TASP1: variants seen among roughly 807,000 people sequenced by gnomAD.
The protein encoded by TASP1 is threonine aspartase 1.
A neutral mutation model predicts 56.6 loss-of-function variants in TASP1; 16 were observed. That is an observed-to-expected ratio of 0.28 (90% CI 0.19 to 0.43). The LOEUF is 0.43. Among genes scored for constraint, TASP1 ranks in the 20% least tolerant of loss-of-function variants. The pLI is 1.00. For missense variants in TASP1, 393 were observed against 511.6 expected (o/e 0.77, Z 2.24); for synonymous variants, 179 against 184.2 (o/e 0.97, Z 0.23).
intron 12 of TASP1, among the ~76,000 whole-genome samples, chr20:13,419,622 C>G (rs142268029): frequency 4.6e-5 from 7 of 152,182 alleles, no homozygotes; most frequent in African/African-American, 1.7e-4. Flanking sequence ...GTCCCCCAGG[C>G]CATCCATCTG....
intron 8 of TASP1, among the ~76,000 whole-genome samples, chr20:13,550,663 T>C (rs978763289): frequency 1.3e-5 from 2 of 152,126 alleles, no homozygotes; most frequent in African/African-American, 4.8e-5. Flanking sequence ...CTCCAGACCA[T>C]GCAAAGTCAA....
chr20:13,198,839 TTTCTTTC>T, the TASP1 span, among the ~76,000 whole-genome samples: 1 of 137,358 alleles, frequency 7.3e-6, no homozygotes, highest in Non-Finnish European at 1.6e-5. Context: ...TCTTTCTTTC[TTTCTTTC>T]TTTCTTTCTT....
chr20:13,246,127 G>T, the TASP1 span, among the ~76,000 whole-genome samples: 1 of 152,098 alleles, frequency 6.6e-6, no homozygotes, highest in African/African-American at 2.4e-5. Flanking sequence ...AAAAGAATTA[G>T]TCGGGCATGG....
chr20:13,117,523 T>C, the TASP1 span: 5 of 1,598,354 alleles, frequency 3.1e-6, no homozygotes, highest in Middle Eastern at 1.7e-4. Context: ...GGTTCCATCG[T>C]GCATCTGCCC....
At position 13,575,808 on chromosome 20, in the gene TASP1, G is replaced by A. The variant is rs184279103; in HGVS notation, c.488+5089C>T. Among the ~76,000 whole-genome samples the A allele has an allele frequency of 5.3e-5, 8 of 152,118 alleles. No individual in the cohort carries two copies. The East Asian group carries it at 5.8e-4, about 11-fold the overall frequency. ...CTCTCACACTTCTCTACCATATACC[G>A]CATTGGAGGTTCCAGACAATGCAAT... On this transcript the variant is annotated intron_variant, in intron 6 of 13. Coordinates refer to ENST00000337743, the MANE Select transcript of TASP1 (RefSeq NM_017714.3).
At chr20:13,544,090 G>A (rs1356048700) in intron 8 of TASP1, among the ~76,000 whole-genome samples, 4 of 152,088 alleles carry the variant, frequency 2.6e-5, no homozygotes, top group African/African-American at 7.2e-5. Context: ...GAAGTTTTGC[G>A]TGCCCTTTAG....
At chr20:13,207,406 A>G in the TASP1 span, among the ~76,000 whole-genome samples, 149 of 152,344 alleles carry the variant, frequency 9.8e-4, no homozygotes, top group African/African-American at 3.5e-3. Flanking sequence ...AACCAATAAG[A>G]CATAGGTATA....
chr20:13,308,229 C>A, the TASP1 span, among the ~76,000 whole-genome samples: 1 of 152,118 alleles, frequency 6.6e-6, no homozygotes, highest in Non-Finnish European at 1.5e-5. Context: ...ATGAATGGCC[C>A]AGTGGGGGTG....
chr20:13,111,121 G>A, the TASP1 span, among the ~76,000 whole-genome samples: 1 of 152,058 alleles, frequency 6.6e-6, no homozygotes, highest in African/African-American at 2.4e-5. Context: ...AAGAAGCTTG[G>A]TTTCATTTTA....
At chr20:13,393,575 C>A in intron 13 of TASP1, 1 of 903,970 alleles carries the variant, frequency 1.1e-6, no homozygotes, top group Non-Finnish European at 1.8e-6. Flanking sequence ...GCAATGCCCT[C>A]AACAACCACC....
chr20:13,434,083 T>C (rs900827782), intron 12 of TASP1, among the ~76,000 whole-genome samples: 16 of 152,024 alleles, frequency 1.1e-4, no homozygotes, highest in Admixed American at 5.9e-4. Context: ...CTGTTTAACT[T>C]TGGAGGGGAT....
At chr20:13,127,014 G>A in the TASP1 span, among the ~76,000 whole-genome samples, 7 of 152,232 alleles carry the variant, frequency 4.6e-5, no homozygotes, top group African/African-American at 9.6e-5. Context: ...GCACGTGAGC[G>A]TGCACATGTT....
intron 13 of TASP1, among the ~76,000 whole-genome samples, chr20:13,409,993 A>C (rs1035579948): frequency 3.9e-5 from 6 of 152,050 alleles, no homozygotes; most frequent in Non-Finnish European, 8.8e-5. Flanking sequence ...CACCTTTCCA[A>C]GTCTCTGGTA....
chr20:13,543,751 T>C (rs1451680587), intron 8 of TASP1, among the ~76,000 whole-genome samples: 1 of 152,220 alleles, frequency 6.6e-6, no homozygotes, highest in Non-Finnish European at 1.5e-5. Flanking sequence ...CTCATGCATC[T>C]ATAAGCAACA....
chr20:13,207,887 G>A, the TASP1 span, among the ~76,000 whole-genome samples: 1 of 152,030 alleles, frequency 6.6e-6, no homozygotes, highest in African/African-American at 2.4e-5. Flanking sequence ...CGATATATCA[G>A]TTGGGCAGAG....
At chr20:13,261,646 C>T in the TASP1 span, among the ~76,000 whole-genome samples, 24 of 152,318 alleles carry the variant, frequency 1.6e-4, no homozygotes, top group African/African-American at 5.5e-4. Context: ...CCACAGTACC[C>T]TGAACCCTTT....
chr20:13,580,933 T>C lies in TASP1; in HGVS notation c.452A>G (p.Gln151Arg). 1 of 1,612,978 alleles carries C rather than the reference T, an allele frequency of 6.2e-7. No individual in the cohort carries two copies. Among genetic ancestry groups the C allele is most frequent in the Non-Finnish European group, 8.5e-7 (1 of 1,179,606 alleles). Reference sequence around the variant, plus strand: ...TCTGCCAGCCGAGAGCTTGCCCTTCTGCCCTTCACATAAGAGTCTGTTGGC... The same window carrying C: ...TCTGCCAGCCGAGAGCTTGCCCTTCCGCCCTTCACATAAGAGTCTGTTGGC... ...SVANRLLCEG[Q>R]KGKLSAGRIP... is the part of the protein sequence containing the mutation. Residue 151 changes from glutamine (Q) to arginine (R), a missense_variant, in exon 6 of 14, where the codon CAG (glutamine) becomes CGG (arginine). By Grantham distance (43) the Gln-to-Arg change is conservative. Transcript: ENST00000337743.
the TASP1 span, among the ~76,000 whole-genome samples, chr20:13,181,657 T>C: frequency 6.6e-6 from 1 of 152,188 alleles, no homozygotes; most frequent in Non-Finnish European, 1.5e-5. Flanking sequence ...TGAGACATAT[T>C]ACCCACTTGC....
chr20:13,601,693 A>G (rs943986437), intron 4 of TASP1, among the ~76,000 whole-genome samples: 1 of 152,088 alleles, frequency 6.6e-6, no homozygotes, highest in Admixed American at 6.6e-5. Context: ...TGTAGAGGGA[A>G]AAAAGAATAC....
Sources: gnomAD v4.1 joint callset for allele counts (sites outside exome capture counted in the v4.1 genomes callset) on GRCh38, gnomAD v4.1.1 for gene constraint, MANE v1.5 for transcripts, NCBI Gene and HGNC (gene_info 2026-07-23, HGNC 2026-07-21) for gene names.